UNC50: variants seen among roughly 807,000 people sequenced by gnomAD.
UNC50 encodes the protein unc-50 inner nuclear membrane RNA binding protein, also known as protein unc-50 homolog.
In UNC50, 24 loss-of-function variants were observed where a neutral mutation model predicts 31.5. The observed-to-expected ratio is 0.76, with a 90% confidence interval of 0.55 to 1.07. The LOEUF is 1.07. Among genes scored for constraint, UNC50 ranks in the 50% least tolerant of loss-of-function variants. The pLI, the probability that UNC50 is intolerant of heterozygous loss-of-function variation, is 0.00. For missense variants in UNC50, 245 were observed against 304.2 expected, an observed-to-expected ratio of 0.81 and a Z score of 1.45; for synonymous variants, 118 against 114.7, an observed-to-expected ratio of 1.03 and a Z score of -0.18.
chr2:98,615,853 C>T (rs550207944), intron 3 of UNC50, among the ~76,000 whole-genome samples: 4 of 152,338 alleles, frequency 2.6e-5, no homozygotes, highest in Admixed American at 6.5e-5. Context: ...TTTCTGGCTT[C>T]ATTTCTTGCT....
Position 98,618,499 on chromosome 2 carries a change from AT to A in UNC50, c.*196del, listed in dbSNP as rs1700981199. 2.3e-6 allele frequency: 1 copy of A among 432,030 alleles called. No homozygotes were observed. 26.8% of individuals were successfully genotyped at this position (432,030 alleles called of 1,614,324 possible). A position where few individuals can be genotyped will look rare whatever the true frequency, so the allele number is the denominator to read the frequency against. ...AATTAAATGTACATTTCTATAATAA[AT>A]ATTTTTTAAACTAAAGCATGTGTGT... On this transcript the variant is annotated 3_prime_UTR_variant, in exon 6 of 6. Transcript: ENST00000357765.
chr2:98,611,704 G>T (rs1700831927), intron 3 of UNC50, among the ~76,000 whole-genome samples: 2 of 152,118 alleles, frequency 1.3e-5, no homozygotes, highest in African/African-American at 4.8e-5. Context: ...GCCTGGTTTT[G>T]CAAAAATATT....
At chr2:98,615,601 T>C (rs1322034612) in intron 3 of UNC50, among the ~76,000 whole-genome samples, 1 of 152,196 alleles carries the variant, frequency 6.6e-6, no homozygotes, top group Non-Finnish European at 1.5e-5. Flanking sequence ...CCAGCCCCTC[T>C]GCTCATCTCT....
intron 3 of UNC50, among the ~76,000 whole-genome samples, chr2:98,615,808 C>CTG (rs2104185680): frequency 6.6e-6 from 1 of 152,332 alleles, no homozygotes; most frequent in Non-Finnish European, 1.5e-5. Context: ...GACATGGAGC[C>CTG]TGTGTGACTT....
intron 3 of UNC50, among the ~76,000 whole-genome samples, chr2:98,615,813 T>G (rs1700911029): frequency 6.6e-6 from 1 of 152,194 alleles, no homozygotes; most frequent in African/African-American, 2.4e-5. Context: ...GGAGCCTGTG[T>G]GACTTGATGT....
intron 3 of UNC50, among the ~76,000 whole-genome samples, chr2:98,612,395 A>G (rs1190840500): frequency 6.6e-6 from 1 of 151,458 alleles, no homozygotes. Flanking sequence ...TGCAACTATA[A>G]CTTCTGATAC....
intron 3 of UNC50, among the ~76,000 whole-genome samples, chr2:98,612,410 C>CT (rs768688492): frequency 1.8e-3 from 266 of 145,138 alleles, no homozygotes; most frequent in African/African-American, 3.3e-3. Context: ...TGATACCAGC[C>CT]TTTTTTTTTT....
At position 98,608,634 on chromosome 2, in the gene UNC50, A is replaced by C; in HGVS notation, c.-97A>C. The C allele has an allele frequency of 1.7e-6, 1 of 577,866 alleles. No individual in the cohort carries two copies. The highest frequency in any genetic ancestry group is 2.0e-5 in the South Asian group (1 of 50,160). 35.8% of individuals were successfully genotyped at this position (577,866 alleles called of 1,614,324 possible). On this transcript the variant is annotated 5_prime_UTR_variant, in exon 1 of 6. Coordinates refer to ENST00000357765, the MANE Select transcript of UNC50 (RefSeq NM_014044.7). ...CCCCAAGGGCCGGCTCCGTTGAGGGAAGGGAAGCCCGCCCGGTGGCGGCTG... is the reference window on the plus strand; with the variant it reads ...CCCCAAGGGCCGGCTCCGTTGAGGGCAGGGAAGCCCGCCCGGTGGCGGCTG...
At chr2:98,610,621 C>T (rs927262044) in intron 2 of UNC50, among the ~76,000 whole-genome samples, 154 bp from the exon 3 acceptor site, 3 of 152,204 alleles carry the variant, frequency 2.0e-5, no homozygotes, top group Admixed American at 6.5e-5. Flanking sequence ...TCAGTGGCCA[C>T]GCTGTGTCCC....
intron 2 of UNC50, among the ~76,000 whole-genome samples, chr2:98,610,453 G>A (rs775758485): frequency 6.6e-6 from 1 of 152,194 alleles, no homozygotes; most frequent in Non-Finnish European, 1.5e-5. Flanking sequence ...TTACCTGTAG[G>A]GTGTTGAAGT....
chr2:98,616,866 C>CCTCTT (rs1305193315), intron 5 of UNC50, among the ~76,000 whole-genome samples: 1 of 152,230 alleles, frequency 6.6e-6, no homozygotes, highest in Non-Finnish European at 1.5e-5. Context: ...ACCATTCACT[C>CCTCTT]CTCTTCTCCC....
intron 5 of UNC50, among the ~76,000 whole-genome samples, chr2:98,617,332 C>T (rs1413562799): frequency 6.6e-6 from 1 of 152,190 alleles, no homozygotes; most frequent in South Asian, 2.1e-4. Context: ...TCTCTCCCCC[C>T]TTGGCTGGTT....
In UNC50 at chr2:98,614,612, C is replaced by G. The variant is rs149783744; in HGVS notation, c.402-1595C>G. On this transcript the variant is annotated intron_variant, in intron 3 of 5. Coordinates refer to ENST00000357765, the MANE Select transcript of UNC50 (RefSeq NM_014044.7). ...GCTCTCGGAAGGCACATCTGTCTTTCAGAGGAAAGACTCTCACTGAGGCCA... is the reference window on the plus strand; with the variant it reads ...GCTCTCGGAAGGCACATCTGTCTTTGAGAGGAAAGACTCTCACTGAGGCCA... Among the ~76,000 whole-genome samples, 1,159 of 152,270 alleles carry G rather than the reference C, an allele frequency of 7.6e-3. 7 individuals carry two copies. Among genetic ancestry groups the G allele is most frequent in the Non-Finnish European group, 0.013 (868 of 68,028 alleles).
chr2:98,615,954 T>C lies in UNC50; in HGVS notation c.402-253T>C, dbSNP rs11885661. Among the ~76,000 whole-genome samples the C allele has an allele frequency of 6.7e-3, 1,019 of 152,336 alleles. 17 individuals carry two copies. Among genetic ancestry groups the C allele is most frequent in the African/African-American group, 0.023 (957 of 41,572 alleles). On this transcript the variant is annotated intron_variant, in intron 3 of 5. Transcript: ENST00000357765. ...GGGTCTTTACCCAAATGTTACTTTATGACCCTCATATGTACAATTGCATCT... is the reference window on the plus strand; with the variant it reads ...GGGTCTTTACCCAAATGTTACTTTACGACCCTCATATGTACAATTGCATCT...
rs1700753445 is a variant in UNC50, at chr2:98,608,623, T to A, written c.-108T>A. 1.7e-6 allele frequency: 1 copy of A among 590,018 alleles called. No individual in the cohort carries two copies. The highest frequency in any genetic ancestry group is 3.0e-6 in the Non-Finnish European group (1 of 332,978). 36.5% of individuals were successfully genotyped at this position (590,018 alleles called of 1,614,324 possible). ...GACGCGGCGCGCCCCAAGGGCCGGC[T>A]CCGTTGAGGGAAGGGAAGCCCGCCC... is the stretch of plus-strand genomic sequence containing the variant. On this transcript the variant is annotated 5_prime_UTR_variant, in exon 1 of 6. Transcript: ENST00000357765.
intron 2 of UNC50, among the ~76,000 whole-genome samples, chr2:98,610,257 AG>A (rs2104172871): frequency 6.6e-6 from 1 of 152,348 alleles, no homozygotes; most frequent in South Asian, 2.1e-4. Context: ...ATTGAAAAGC[AG>A]GGGACAAGAT....
chr2:98,613,397 T>G (rs960491689), intron 3 of UNC50, among the ~76,000 whole-genome samples: 1 of 152,134 alleles, frequency 6.6e-6, no homozygotes, highest in African/African-American at 2.4e-5. Context: ...ACTGGGTAAT[T>G]TATAAAGGAA....
chr2:98,609,493 G>A, intron 1 of UNC50: 2 of 548,850 alleles, frequency 3.6e-6, no homozygotes, highest in Non-Finnish European at 6.5e-6. Flanking sequence ...CCCTGTCTCT[G>A]TAATGGTAGC....
chr2:98,616,498 G>C lies in UNC50; in HGVS notation c.608G>C (p.Gly203Ala), dbSNP rs112774823. 2 of 1,613,822 alleles carry C rather than the reference G, an allele frequency of 1.2e-6. No homozygotes were observed. The highest frequency in any genetic ancestry group is 2.7e-5 in the African/African-American group (2 of 74,894). Residue 203 changes from glycine to alanine, a missense_variant, in exon 5 of 6, where the codon GGC becomes GCC. Coordinates refer to ENST00000357765, the MANE Select transcript of UNC50 (RefSeq NM_014044.7). ...VGNTLWLVAV[G>A]YYIYVTFLGY... ...AATACCTTATGGTTGGTTGCAGTTG[G>C]CTATTATATCTATGTAACTTTCCTG...
Sources: allele counts gnomAD v4.1 joint callset (sites outside exome capture counted in the v4.1 genomes callset), GRCh38; gene constraint gnomAD v4.1.1; transcripts MANE v1.5; gene names NCBI Gene and HGNC (gene_info 2026-07-23, HGNC 2026-07-21).